Variants in MAP3K6 observed in about 807,000 individuals in gnomAD.
MAP3K6 encodes the protein mitogen-activated protein kinase kinase kinase 6.
MAP3K6 carries 105 observed loss-of-function variants against 147.1 expected under a neutral mutation model. The observed-to-expected ratio is 0.71, with a 90% confidence interval of 0.61 to 0.84. MAP3K6 has a LOEUF of 0.84. Ranked by LOEUF, MAP3K6 falls within the 40% of genes least tolerant of loss-of-function variation. The pLI, the probability that MAP3K6 is intolerant of heterozygous loss-of-function variation, is 0.00. For missense variants in MAP3K6, 1,569 were observed against 1,715.0 expected (o/e 0.91, Z 1.50); for synonymous variants, 695 against 732.4 (o/e 0.95, Z 0.82).
In MAP3K6 at chr1:27,360,633, C is replaced by G. The variant is rs2015713130; in HGVS notation, c.2054+72G>C. 6.5e-7 allele frequency: 1 copy of G among 1,533,772 alleles called. No individual in the cohort carries two copies. Among genetic ancestry groups the G allele is most frequent in the Admixed American group, 1.9e-5 (1 of 51,536 alleles). ...CCCACTAGGCCCCGCCCACAGGAGC[C>G]GCTCCGCTCGTGGCCCGGCTCACTC... On this transcript the variant is annotated intron_variant, in intron 15 of 28. Coordinates refer to ENST00000357582, the MANE Select transcript of MAP3K6 (RefSeq NM_004672.5). This position sits in a 1 kb window ranked among gnomAD's most constrained non-coding sequence, Gnocchi z 4.5.
chr1:27,357,761 C>T lies in MAP3K6; in HGVS notation c.3031G>A (p.Glu1011Lys), dbSNP rs1324306194. 2 of 1,611,632 alleles carry T rather than the reference C, an allele frequency of 1.2e-6. No individual in the cohort carries two copies. The highest frequency in any genetic ancestry group is 2.2e-5 in the East Asian group (1 of 44,872). The change falls in exon 22 of 29, where the codon GAG (glutamate) becomes AAG (lysine). Residue 1011 changes from glutamate to lysine, a missense_variant. Physicochemically the swap from Glu to Lys is moderately conservative, Grantham distance 56. Transcript: ENST00000357582. ...AGATTCTCCGCCAGCGCTGGCAGCT[C>T]CTGCTCCAATACTGCGGCCAGCATG... ...RAMLAAVLEQ[E>K]LPALAENLHQ...
intron 23 of MAP3K6, 27 bp from the exon 24 acceptor site, chr1:27,357,141 G>C: frequency 6.3e-7 from 1 of 1,585,676 alleles, no homozygotes; most frequent in Non-Finnish European, 8.7e-7. Context: ...GCGCCGCTGA[G>C]ACAGCTGAGC....
At position 27,359,993 on chromosome 1, in the gene MAP3K6, G is replaced by A. The variant is rs1301604789; in HGVS notation, c.2184C>T (p.Gly728=). The A allele has an allele frequency of 1.9e-6, 3 of 1,613,992 alleles. No individual in the cohort carries two copies. Among genetic ancestry groups the A allele is most frequent in the Non-Finnish European group, 2.5e-6 (3 of 1,179,970 alleles). ...CCGACCGCAGCAAGGAGGACAGGCT[G>A]CCTGGGTGGGGACAGTCCAAGTTCA... ...LKIFMEEVPG[G]SLSSLLRSVW... is the part of the protein sequence containing the mutation. Residue 728 remains glycine, a splice_region_variant and synonymous_variant, in exon 17 of 29, where the codon GGC becomes GGT. Transcript: ENST00000357582. The surrounding 1 kb of genome is among the most constrained non-coding windows in gnomAD (Gnocchi z 4.4).
In MAP3K6 at chr1:27,355,453, G is replaced by A. The variant is rs749573279; in HGVS notation, c.3805C>T (p.Arg1269Cys). The A allele has an allele frequency of 1.7e-5, 27 of 1,613,976 alleles. No individual in the cohort carries two copies. Among genetic ancestry groups the A allele is most frequent in the Admixed American group, 1.5e-4 (9 of 59,986 alleles). Reference protein sequence around the residue: ...YTRIRGGMVCRIWRAILAQRA... With the variant: ...YTRIRGGMVCCIWRAILAQRA... ...TGTGCCAAGATGGCCCTCCAGATGCGGCATACCATCCCTCCCCTGGGGGTA... is the reference window on the plus strand; with the variant it reads ...TGTGCCAAGATGGCCCTCCAGATGCAGCATACCATCCCTCCCCTGGGGGTA... The change falls in exon 29 of 29, where the codon CGC becomes TGC. Residue 1269 changes from arginine (R) to cysteine (C), a missense_variant. Physicochemically the swap from Arg to Cys is radical, Grantham distance 180 (BLOSUM62 -3). Transcript: ENST00000357582.
In MAP3K6 at chr1:27,364,560, T is replaced by TG; in HGVS notation, c.504+100dup. ...AACAGAGGAATACTTGGGATGTCAG[T>TG]GGGGGGTTAGGTGACTGAGGAGGCC... On this transcript the variant is annotated intron_variant, in intron 3 of 28. Transcript: ENST00000357582. The surrounding 1 kb of genome is among the most constrained non-coding windows in gnomAD (Gnocchi z 4.4). The TG allele has an allele frequency of 1.3e-6, 2 of 1,568,094 alleles. No homozygotes were observed. The highest frequency in any genetic ancestry group is 1.8e-6 in the Non-Finnish European group (2 of 1,139,118).
In MAP3K6 at chr1:27,357,465, G is replaced by A. The variant is rs2015571419; in HGVS notation, c.3193C>T (p.Arg1065Trp). 6.2e-7 allele frequency: 1 copy of A among 1,613,586 alleles called. No homozygotes were observed. The highest frequency in any genetic ancestry group is 1.1e-5 in the South Asian group (1 of 91,062). Reference protein sequence around the residue: ...LAQELRALQGRLRAQGLGPAL... With the variant: ...LAQELRALQGWLRAQGLGPAL... ...GGCCCAAGGCCCTGGGCCCTCAGCCGTCCTTGCAGCGCCCGCAGCTCCTGG... is the reference window on the plus strand; with the variant it reads ...GGCCCAAGGCCCTGGGCCCTCAGCCATCCTTGCAGCGCCCGCAGCTCCTGG... Residue 1065 changes from arginine (R) to tryptophan (W), a missense_variant, in exon 23 of 29, where the codon CGG becomes TGG. Transcript: ENST00000357582.
At position 27,358,119 on chromosome 1, in the gene MAP3K6, T is replaced by C; in HGVS notation, c.2915+62A>G. On this transcript the variant is annotated intron_variant, in intron 21 of 28. Transcript: ENST00000357582. This position sits in a 1 kb window ranked among gnomAD's most constrained non-coding sequence, Gnocchi z 6.2. ...CCCAGGTCCCCAGGGAGGGCTTTTG[T>C]AGGAGAGGAGAAAAAGGCAAAACCA... 1.3e-6 allele frequency: 2 copies of C among 1,526,056 alleles called. No homozygotes were observed. Among genetic ancestry groups the C allele is most frequent in the Non-Finnish European group, 1.8e-6 (2 of 1,140,520 alleles). The allele number at this position is 1,526,056 out of a possible 1,614,324, so 94.5% of individuals were successfully genotyped here. A position where few individuals can be genotyped will look rare whatever the true frequency, so the allele number is the denominator to read the frequency against.
At chr1:27,365,553 G>A (rs1031489548) in intron 1 of MAP3K6, among the ~76,000 whole-genome samples, 6 of 152,072 alleles carry the variant, frequency 3.9e-5, no homozygotes, top group Non-Finnish European at 8.8e-5. Flanking sequence ...TATGGGGGCC[G>A]AGCATCCGGG....
Position 27,364,736 on chromosome 1 carries a change from G to C in MAP3K6, c.480+37C>G, listed in dbSNP as rs367725205. ...GGTGTTCTGTGTAGGCCTTACCCCA[G>C]CCCTGTGCCTGCCTCCACCAGCCCC... On this transcript the variant is annotated intron_variant, in intron 2 of 28. Coordinates refer to ENST00000357582, the MANE Select transcript of MAP3K6 (RefSeq NM_004672.5). The surrounding 1 kb of genome is among the most constrained non-coding windows in gnomAD (Gnocchi z 4.4). 1 of 1,613,946 alleles carries C rather than the reference G, an allele frequency of 6.2e-7. No homozygotes were observed. Among genetic ancestry groups the C allele is most frequent in the African/African-American group, 1.3e-5 (1 of 74,920 alleles).
At position 27,366,420 on chromosome 1, in the gene MAP3K6, C is replaced by T. The variant is rs1490261350; in HGVS notation, c.178G>A (p.Glu60Lys). The change falls in exon 1 of 29, where the codon GAG becomes AAG. Residue 60 changes from glutamate to lysine, a missense_variant. By Grantham distance (56) the Glu-to-Lys change is moderately conservative. Transcript: ENST00000357582. This position sits in a 1 kb window ranked among gnomAD's most constrained non-coding sequence, Gnocchi z 5.5. Reference sequence around the variant, plus strand: ...TCCGCCTCGGTTCCCTCCCGAGGCTCGAGCCCGGGCTGCGGCTCCCGGGTC... The same window carrying T: ...TCCGCCTCGGTTCCCTCCCGAGGCTTGAGCCCGGGCTGCGGCTCCCGGGTC... ...VLTREPQPGL[E>K]PREGTEAEPL... 8.2e-7 allele frequency: 1 copy of T among 1,223,144 alleles called. No individual in the cohort carries two copies. The highest frequency in any genetic ancestry group is 1.0e-6 in the Non-Finnish European group (1 of 982,278). 75.8% of individuals were successfully genotyped at this position (1,223,144 alleles called of 1,614,324 possible).
rs1440566817 is a variant in MAP3K6 at position 27,358,379 on chromosome 1, C to T, written c.2776+40G>A. ...CTCCACCCTCACAGCTCCACAACTC[C>T]TCTGCCCTCCACTGTGCCCATCCCG... On this transcript the variant is annotated intron_variant, in intron 20 of 28. Transcript: ENST00000357582. The surrounding 1 kb of genome is among the most constrained non-coding windows in gnomAD (Gnocchi z 6.2). 1.3e-6 allele frequency: 2 copies of T among 1,588,430 alleles called. No homozygotes were observed. The highest frequency in any genetic ancestry group is 2.0e-5 in the Admixed American group (1 of 50,402).
Position 27,358,346 on chromosome 1 carries a change from G to C in MAP3K6, c.2777-27C>G. 1 of 1,597,126 alleles carries C rather than the reference G, an allele frequency of 6.3e-7. No homozygotes were observed. The highest frequency in any genetic ancestry group is 8.5e-7 in the Non-Finnish European group (1 of 1,175,528). On this transcript the variant is annotated intron_variant, in intron 20 of 28. Coordinates refer to ENST00000357582, the MANE Select transcript of MAP3K6 (RefSeq NM_004672.5). The surrounding 1 kb of genome is among the most constrained non-coding windows in gnomAD (Gnocchi z 6.2). ...TGAGGGAGGGACAGAGCCATCAGCT[G>C]GGCTCTCCTCCACCCTCACAGCTCC...
Position 27,361,524 on chromosome 1 carries a change from G to A in MAP3K6, c.1682C>T (p.Thr561Ile). ...GGGCCTCAGCAGCGACTTCACCTGG[G>A]TCTCAGGCTCCAGCAGGCTCAGGGT... ...TVTLSLLEPE[T>I]QDIPSSWTFP... Residue 561 changes from threonine (T) to isoleucine (I), a missense_variant, in exon 11 of 29, where the codon ACC becomes ATC. Transcript: ENST00000357582. 6.2e-7 allele frequency: 1 copy of A among 1,614,164 alleles called. No homozygotes were observed. The highest frequency in any genetic ancestry group is 1.7e-5 in the Admixed American group (1 of 60,024).
intron 28 of MAP3K6, 89 bp from the exon 29 acceptor site, chr1:27,355,558 C>A: frequency 1.3e-6 from 2 of 1,575,602 alleles, no homozygotes; most frequent in Non-Finnish European, 1.7e-6. Flanking sequence ...CCCCTCTGTC[C>A]CTAGGGGACC....
Position 27,366,486 on chromosome 1 carries a change from CCCGGCCCGGGGGCGCCGCGAGCTG to C in MAP3K6, c.88_111del (p.Gln30_Arg37del). ...CTGAGCGGCCGGCTCCGCGCGCAGCCCCGGCCCGGGGGCGCCGCGAGCTGCCGGCCCCGGCTCAGCGCCACGGCC... is the reference window on the plus strand; with the variant it reads ...CTGAGCGGCCGGCTCCGCGCGCAGCCCCGGCCCCGGCTCAGCGCCACGGCC... On this transcript the variant is annotated inframe_deletion, in exon 1 of 29. Transcript: ENST00000357582. The surrounding 1 kb of genome is among the most constrained non-coding windows in gnomAD (Gnocchi z 5.5). 3.5e-6 allele frequency: 4 copies of C among 1,145,886 alleles called. No homozygotes were observed. In the South Asian group the frequency reaches 1.3e-4, roughly 36 times the overall value. 71.0% of individuals were successfully genotyped at this position (1,145,886 alleles called of 1,614,324 possible).
rs1173814499 is a variant in MAP3K6 at position 27,357,808 on chromosome 1, T to C, written c.2984A>G (p.His995Arg). The C allele has an allele frequency of 6.2e-7, 1 of 1,606,126 alleles. No individual in the cohort carries two copies. The highest frequency in any genetic ancestry group is 1.7e-5 in the Admixed American group (1 of 59,236). Residue 995 changes from histidine (H) to arginine (R), a missense_variant, in exon 22 of 29, where the codon CAC becomes CGC. By Grantham distance (29) the His-to-Arg change is conservative. Transcript: ENST00000357582. ...PEESSGLSLL[H>R]QESKRRAMLA... ...CATGGCCCGACGCTTGCTCTCCTGG[T>C]GCAGCAGGCTCAGCCCCGAACTCTC...
In MAP3K6 at chr1:27,361,751, G is replaced by A. The variant is rs2015781804; in HGVS notation, c.1532C>T (p.Ser511Phe). 1.2e-6 allele frequency: 2 copies of A among 1,613,440 alleles called. No homozygotes were observed. Among genetic ancestry groups the A allele is most frequent in the East Asian group, 4.5e-5 (2 of 44,880 alleles). ...AHFWLHFLLQSCQPFKTACAQ... is the reference protein window; with the variant it reads ...AHFWLHFLLQFCQPFKTACAQ... ...ACAGGCTGTCTTGAATGGTTGGCAG[G>A]ACTGTAGCAAGAAGTGGAGCCAGAA... Residue 511 changes from serine (S) to phenylalanine (F), a missense_variant, in exon 10 of 29, where the codon TCC becomes TTC. Coordinates refer to ENST00000357582, the MANE Select transcript of MAP3K6 (RefSeq NM_004672.5).
At position 27,356,080 on chromosome 1, in the gene MAP3K6, C is replaced by G; in HGVS notation, c.3657G>C (p.Gln1219His). The change falls in exon 27 of 29, where the codon CAG becomes CAC. Residue 1219 changes from glutamine to histidine, a missense_variant. Transcript: ENST00000357582. ...GTTCCTGTAGCCACTGCACCAGGCCCTGGTCCGTTGAAAGAGCAGCTGTCA... is the reference window on the plus strand; with the variant it reads ...GTTCCTGTAGCCACTGCACCAGGCCGTGGTCCGTTGAAAGAGCAGCTGTCA... The part of the protein sequence containing the change: ...PEPPTALSTD[Q>H]GLVQWLQELN... 1 of 1,614,212 alleles carries G rather than the reference C, an allele frequency of 6.2e-7. No homozygotes were observed. The highest frequency in any genetic ancestry group is 8.5e-7 in the Non-Finnish European group (1 of 1,180,044).
chr1:27,362,885 G>A lies in MAP3K6; in HGVS notation c.1108C>T (p.Gln370Ter). The A allele has an allele frequency of 6.2e-7, 1 of 1,614,120 alleles. No homozygotes were observed. The highest frequency in any genetic ancestry group is 8.5e-7 in the Non-Finnish European group (1 of 1,180,004). ...YKDMFFSSGF[Q>*]DAGHREQAYH... ...GCCTGCTCCCGGTGCCCAGCATCCTGGAAACCCGAGCTGAAGAACATGTCC... is the reference window on the plus strand; with the variant it reads ...GCCTGCTCCCGGTGCCCAGCATCCTAGAAACCCGAGCTGAAGAACATGTCC... The change falls in exon 7 of 29, where the codon CAG becomes TAG. Residue 370 changes from glutamine (Q) to a stop codon, truncating the protein, a stop_gained. Transcript: ENST00000357582. LOFTEE classifies it high-confidence loss of function.
Sources: allele counts gnomAD v4.1 joint callset (sites outside exome capture counted in the v4.1 genomes callset), GRCh38; gene constraint gnomAD v4.1.1; non-coding constraint Gnocchi (gnomAD v3.1); transcripts MANE v1.5; gene names NCBI Gene and HGNC (gene_info 2026-07-23, HGNC 2026-07-21).